DMD: variants seen among roughly 807,000 people sequenced by gnomAD.
DMD encodes mutant dystrophin.
In DMD, 63 loss-of-function variants were observed where a neutral mutation model predicts 330.1. That is an observed-to-expected ratio of 0.19 (90% confidence interval 0.16 to 0.24). The LOEUF is 0.24. Ranked by LOEUF, DMD falls within the 10% of genes least tolerant of loss-of-function variation. DMD has a pLI of 1.00. For synonymous variants in DMD, 1,223 were observed against 959.8 expected (o/e 1.27, Z -5.07); for missense variants, 3,344 against 2,684.1 (o/e 1.25, Z -5.43).
At chrX:31,910,524 G>C (rs1399454325) in intron 47 of DMD, among the ~76,000 whole-genome samples, 1 of 112,231 alleles carries the variant, frequency 8.9e-6, no homozygotes, top group Non-Finnish European at 1.9e-5. Context: ...ACCGTCTAGT[G>C]CAGGCTTGGT....
intron 48 of DMD, among the ~76,000 whole-genome samples, chrX:31,843,293 C>T (rs2093351234): frequency 8.9e-6 from 1 of 111,943 alleles, no homozygotes; most frequent in African/African-American, 3.2e-5. Context: ...AATCCCCAAA[C>T]TGCTTTCCAC....
chrX:32,550,508 C>T (rs1342763394), intron 16 of DMD, among the ~76,000 whole-genome samples: 1 of 111,081 alleles, frequency 9.0e-6, no homozygotes, highest in Non-Finnish European at 1.9e-5. Flanking sequence ...AAGAGGCAAG[C>T]TTATGGCACG....
chrX:32,083,215 G>A (rs765973568), intron 44 of DMD, among the ~76,000 whole-genome samples: 20 of 111,375 alleles, frequency 1.8e-4, no homozygotes, highest in African/African-American at 5.9e-4. Flanking sequence ...CTAGCAACCC[G>A]TGAACTTAAC....
intron 30 of DMD, among the ~76,000 whole-genome samples, chrX:32,391,323 C>A (rs2098001003): frequency 9.0e-6 from 1 of 111,202 alleles, no homozygotes; most frequent in South Asian, 3.8e-4. Flanking sequence ...GGAGTAAATT[C>A]TGATACATAT....
chrX:32,442,536 T>C (rs752995526), intron 27 of DMD, among the ~76,000 whole-genome samples: 1 of 110,761 alleles, frequency 9.0e-6, no homozygotes, highest in Non-Finnish European at 1.9e-5. Context: ...AAAATTTGTA[T>C]TTATTGTTGG....
At chrX:32,152,404 T>C (rs1018942655) in intron 44 of DMD, among the ~76,000 whole-genome samples, 13 of 111,761 alleles carry the variant, frequency 1.2e-4, no homozygotes, top group Non-Finnish European at 1.1e-4. Context: ...CATCGGATCA[T>C]AGTGTTGGAC....
intron 60 of DMD, among the ~76,000 whole-genome samples, chrX:31,349,232 A>G (rs1409053384): frequency 1.8e-5 from 2 of 112,521 alleles, no homozygotes; most frequent in African/African-American, 6.5e-5. Flanking sequence ...ACTTGAGGTC[A>G]TAAGTTCGAG....
chrX:31,996,265 C>A (rs2095585526), intron 44 of DMD, among the ~76,000 whole-genome samples: 1 of 111,921 alleles, frequency 8.9e-6, no homozygotes, highest in African/African-American at 3.2e-5. Context: ...TGGTTCTCAA[C>A]AATATCTTTC....
intron 2 of DMD, among the ~76,000 whole-genome samples, chrX:32,989,124 G>A (rs1254342409): frequency 1.8e-5 from 2 of 111,702 alleles, no homozygotes; most frequent in East Asian, 5.6e-4. Context: ...CTACAGCTTT[G>A]AAAGAAGCTA....
chrX:31,516,541 T>C (rs978993238), intron 55 of DMD, among the ~76,000 whole-genome samples: 45 of 111,838 alleles, frequency 4.0e-4, no homozygotes, highest in African/African-American at 1.3e-3. Context: ...AAGAGTTAAT[T>C]TGAGGACTGC....
intron 1 of DMD, among the ~76,000 whole-genome samples, chrX:33,178,384 G>A (rs2049792388): frequency 9.0e-6 from 1 of 111,603 alleles, no homozygotes; most frequent in Admixed American, 9.5e-5. Context: ...TGCTCTACCG[G>A]CAATGTACTG....
intron 1 of DMD, among the ~76,000 whole-genome samples, chrX:33,257,008 AG>A (rs896281977): frequency 2.3e-4 from 25 of 110,643 alleles, no homozygotes; most frequent in African/African-American, 8.2e-4. Flanking sequence ...GCAAAAATTC[AG>A]GGACTGTAAG....
intron 11 of DMD, among the ~76,000 whole-genome samples, chrX:32,643,480 T>G (rs764074723): frequency 1.8e-5 from 2 of 111,385 alleles, no homozygotes; most frequent in Non-Finnish European, 3.8e-5. Flanking sequence ...TATCTTGTCT[T>G]GATAGGCTTT....
intron 1 of DMD, among the ~76,000 whole-genome samples, chrX:33,055,833 A>C (rs1287993526): frequency 1.8e-5 from 2 of 111,438 alleles, no homozygotes; most frequent in Non-Finnish European, 3.8e-5. Flanking sequence ...GCCTCTTTCA[A>C]AGCCTCAGTT....
intron 55 of DMD, among the ~76,000 whole-genome samples, chrX:31,548,423 T>C (rs1451768366): frequency 2.7e-5 from 3 of 111,188 alleles, no homozygotes; most frequent in Admixed American, 9.6e-5. Flanking sequence ...AGCTCAAAAG[T>C]AGTGAAAATG....
At chrX:31,407,631 C>T (rs1316611950) in intron 60 of DMD, among the ~76,000 whole-genome samples, 1 of 93,543 alleles carries the variant, frequency 1.1e-5, no homozygotes, top group Non-Finnish European at 2.0e-5. Flanking sequence ...ACCACCACGC[C>T]TGGCTAATTT....
chrX:32,563,438 C>T (rs1402951557), intron 16 of DMD, among the ~76,000 whole-genome samples: 1 of 109,945 alleles, frequency 9.1e-6, no homozygotes, highest in Non-Finnish European at 1.9e-5. Flanking sequence ...CAACCTTTTT[C>T]CCCTCAAATG....
intron 11 of DMD, among the ~76,000 whole-genome samples, chrX:32,630,345 C>T (rs5928055): frequency 0.3 from 32,754 of 109,496 alleles, 6,404 homozygotes; most frequent in African/African-American, 0.72. Flanking sequence ...ATATGATTAC[C>T]GCTTTTAAGA....
Position 31,480,641 on chromosome X carries a change from C to T in DMD, c.8548-1538G>A, listed in dbSNP as rs2068206440. Among the ~76,000 whole-genome samples, 3 of 105,890 alleles carry T rather than the reference C, an allele frequency of 2.8e-5. No homozygotes were observed. In the Admixed American group the frequency reaches 3.1e-4, roughly 11 times the overall value. The allele number at this position is 105,890 out of a possible 115,157, so 92.0% of individuals were successfully genotyped here. On this transcript the variant is annotated intron_variant, in intron 57 of 78. Transcript: ENST00000357033. The stretch of plus-strand genomic sequence containing the variant: ...TGTTTTTTTTCATACAATTAAGTTT[C>T]CCAAATTCAAGTAAATTATCATTTT...
Sources: allele counts gnomAD v4.1 joint callset (sites outside exome capture counted in the v4.1 genomes callset), GRCh38; gene constraint gnomAD v4.1.1; transcripts MANE v1.5; gene names NCBI Gene and HGNC (gene_info 2026-07-23, HGNC 2026-07-21).